The following BLZF1 variants were observed in gnomAD, a reference collection of about 807,000 sequenced individuals.
BLZF1 encodes the protein basic leucine zipper nuclear factor 1.
Under a neutral mutation model 43.8 loss-of-function variants are expected in BLZF1, and 39 were observed. The observed-to-expected ratio is 0.89, with a 90% confidence interval of 0.69 to 1.16. The LOEUF is 1.16. Among genes scored for constraint, BLZF1 ranks in the 50% most tolerant of loss-of-function variants. The probability of loss-of-function intolerance (pLI) is 0.00; values close to 1 mark genes in which losing one functional copy is unlikely to be tolerated. For synonymous variants in BLZF1, 136 were observed against 159.4 expected (o/e 0.85, Z 1.11); for missense variants, 449 against 469.8 (o/e 0.96, Z 0.41).
Position 169,387,834 on chromosome 1 carries a change from C to G in BLZF1, c.*652C>G, listed in dbSNP as rs1219517285. 2.6e-5 allele frequency: 4 copies of G among 152,158 alleles called. No homozygotes were observed. Among genetic ancestry groups the G allele is most frequent in the Non-Finnish European group, 5.9e-5 (4 of 67,992 alleles). 9.4% of individuals were successfully genotyped at this position (152,158 alleles called of 1,614,324 possible). A position where few individuals can be genotyped will look rare whatever the true frequency, so the allele number is the denominator to read the frequency against. On this transcript the variant is annotated 3_prime_UTR_variant, in exon 7 of 7. Coordinates refer to ENST00000367808, the MANE Select transcript of BLZF1 (RefSeq NM_001320973.2). ...AGGAAAATAAAAAATATTTTAGAGC[C>G]AAGTTAACAAGTACTTCAGCAAAAC...
In BLZF1 at chr1:169,369,421, CTA is replaced by C. The variant is rs1369626990; in HGVS notation, c.-50-50_-50-49del. ...TCATAACTTTTAAATTGGAGGTACTCTATGTGTTTATATGATATTTTTAAAAT... is the reference window on the plus strand; with the variant it reads ...TCATAACTTTTAAATTGGAGGTACTCTGTGTTTATATGATATTTTTAAAAT... On this transcript the variant is annotated intron_variant, in intron 1 of 6. Transcript: ENST00000367808. 1.8e-4 allele frequency: 168 copies of C among 911,140 alleles called. 1 individual carries two copies. The highest frequency in any genetic ancestry group is 6.6e-4 in the Middle Eastern group (2 of 3,032). 56.4% of individuals were successfully genotyped at this position (911,140 alleles called of 1,614,324 possible).
intron 7 of BLZF1, chr1:169,395,020 G>A: frequency 6.4e-7 from 1 of 1,555,120 alleles, no homozygotes; most frequent in Non-Finnish European, 8.7e-7. Context: ...GATAGCAGCT[G>A]CCCACTGAAA....
At chr1:169,378,719 G>T (rs111833982) in intron 4 of BLZF1, among the ~76,000 whole-genome samples, 190 bp downstream of exon 4, 1 of 151,788 alleles carries the variant, frequency 6.6e-6, no homozygotes, top group Admixed American at 6.6e-5. Flanking sequence ...GTGATATAAG[G>T]ATCATCCCTT....
rs1654724994 is a variant in BLZF1, at chr1:169,388,185, A to G, written c.*1003A>G. On this transcript the variant is annotated 3_prime_UTR_variant, in exon 7 of 7. Transcript: ENST00000367808. The stretch of plus-strand genomic sequence containing the variant: ...TTTGTTGCAGAAGTGCCTGTGAGAG[A>G]AATCTTCAAAAGACAAACCTGGTCA... The G allele has an allele frequency of 6.6e-6, 1 of 152,308 alleles. No individual in the cohort carries two copies. The highest frequency in any genetic ancestry group is 2.1e-4 in the South Asian group (1 of 4,826). The allele number at this position is 152,308 out of a possible 1,614,324, so 9.4% of individuals were successfully genotyped here.
At chr1:169,392,254 A>T (rs1374773815), downstream of BLZF1, among the ~76,000 whole-genome samples, 1 of 152,208 alleles carries the variant, frequency 6.6e-6, no homozygotes, top group African/African-American at 2.4e-5. Context: ...CATCAAACTC[A>T]TATGGAATTG....
rs58679820 is a variant in BLZF1 at position 169,375,393 on chromosome 1, C to CATATATATATATATATAT, written c.29-1126_29-1109dup. The stretch of plus-strand genomic sequence containing the variant: ...ACATATAAAACATATATATATAAAA[C>CATATATATATATATATAT]ATATATATATATATATATATATATA... On this transcript the variant is annotated intron_variant, in intron 2 of 6. Transcript: ENST00000367808. 1.6e-3 allele frequency among the ~76,000 whole-genome samples: 136 copies of CATATATATATATATATAT among 85,794 alleles called. 6 individuals are homozygous for CATATATATATATATATAT. The highest frequency in any genetic ancestry group is 2.9e-3 in the African/African-American group (60 of 20,768). 56.3% of individuals were successfully genotyped at this position (85,794 alleles called of 152,430 possible). A position where few individuals can be genotyped will look rare whatever the true frequency, so the allele number is the denominator to read the frequency against.
chr1:169,386,452 G>A (rs762348166), intron 6 of BLZF1, among the ~76,000 whole-genome samples: 2 of 152,028 alleles, frequency 1.3e-5, no homozygotes, highest in Non-Finnish European at 2.9e-5. Context: ...GGCCGAGGCA[G>A]GCAGATCACA....
chr1:169,392,736 A>C (rs1654845473), downstream of BLZF1, among the ~76,000 whole-genome samples: 1 of 152,172 alleles, frequency 6.6e-6, no homozygotes, highest in Non-Finnish European at 1.5e-5. Context: ...GGGAGGGGGA[A>C]GTCCTGAAGG....
intron 2 of BLZF1, among the ~76,000 whole-genome samples, chr1:169,375,779 T>C (rs891892460): frequency 1.1e-4 from 17 of 151,598 alleles, no homozygotes; most frequent in Non-Finnish European, 2.2e-4. Context: ...ATCATTCATT[T>C]ATTGTTTATA....
intron 6 of BLZF1, among the ~76,000 whole-genome samples, chr1:169,384,086 C>A (rs1252996066): frequency 1.3e-5 from 2 of 151,976 alleles, no homozygotes; most frequent in Non-Finnish European, 2.9e-5. Flanking sequence ...TGCATTTGTA[C>A]AACCCCCCAC....
Position 169,378,413 on chromosome 1 carries a change from A to G in BLZF1, c.552A>G (p.Lys184=), listed in dbSNP as rs766558876. 2 of 1,613,048 alleles carry G rather than the reference A, an allele frequency of 1.2e-6. No homozygotes were observed. Among genetic ancestry groups the G allele is most frequent in the Non-Finnish European group, 1.7e-6 (2 of 1,179,186 alleles). ...ACTTTGAACGTCTAGCCCGTGAGAA[A>G]AATCAGCTTATTTTAGAAAATGAAG... ...QYHFERLARE[K]NQLILENEAL... The change falls in exon 4 of 7, where the codon AAA becomes AAG. Residue 184 remains lysine (K), a synonymous_variant. Coordinates refer to ENST00000367808, the MANE Select transcript of BLZF1 (RefSeq NM_001320973.2).
intron 6 of BLZF1, among the ~76,000 whole-genome samples, chr1:169,383,964 A>T (rs981592849): frequency 6.6e-6 from 1 of 152,066 alleles, no homozygotes; most frequent in Non-Finnish European, 1.5e-5. Flanking sequence ...TATGCTTGTG[A>T]CTTTTCCATC....
chr1:169,381,553 T>C (rs948408457), intron 5 of BLZF1, among the ~76,000 whole-genome samples: 1 of 152,140 alleles, frequency 6.6e-6, no homozygotes, highest in African/African-American at 2.4e-5. Context: ...AGACCAGCAT[T>C]GTCTTGATAT....
At chr1:169,374,106 C>G (rs1313726054) in intron 2 of BLZF1, among the ~76,000 whole-genome samples, 2 of 151,020 alleles carry the variant, frequency 1.3e-5, no homozygotes, top group Non-Finnish European at 2.9e-5. Context: ...TGGCTCACAT[C>G]TGTAATCCAA....
chr1:169,369,396 T>C, intron 1 of BLZF1, 77 bp from the exon 2 acceptor site: 2 of 693,938 alleles, frequency 2.9e-6, no homozygotes, highest in African/African-American at 1.8e-5. Flanking sequence ...AATTAAAATA[T>C]CATAACTTTT....
At chr1:169,394,994 T>A in intron 7 of BLZF1, 1 of 1,479,378 alleles carries the variant, frequency 6.8e-7, no homozygotes, top group African/African-American at 1.4e-5. Context: ...CCCTAAGAAA[T>A]CATATCCAAA....
At chr1:169,386,897 T>C in intron 6 of BLZF1, 100 bp from the exon 7 acceptor site, 1 of 771,686 alleles carries the variant, frequency 1.3e-6, no homozygotes. Flanking sequence ...TAGTTATATA[T>C]TAATGAAGTG....
downstream of BLZF1, among the ~76,000 whole-genome samples, chr1:169,393,017 AC>A (rs1253332336): frequency 2.6e-5 from 4 of 152,134 alleles, no homozygotes; most frequent in African/African-American, 9.7e-5. Flanking sequence ...GGGAACTGTA[AC>A]CAGGGGACCT....
intron 2 of BLZF1, 23 bp downstream of exon 2, chr1:169,369,573 T>C (rs1654035986): frequency 1.3e-6 from 2 of 1,559,938 alleles, no homozygotes; most frequent in South Asian, 1.1e-5. Context: ...TTTATAATTG[T>C]TTTTAAAACA....
Sources: allele counts gnomAD v4.1 joint callset (sites outside exome capture counted in the v4.1 genomes callset), GRCh38; gene constraint gnomAD v4.1.1; transcripts MANE v1.5; gene names NCBI Gene and HGNC (gene_info 2026-07-23, HGNC 2026-07-21).